The following VPS13C variants were observed in gnomAD, a reference collection of about 807,000 sequenced individuals.
VPS13C encodes the protein intermembrane lipid transfer protein VPS13C.
In VPS13C, 358 loss-of-function variants were observed where a neutral mutation model predicts 456.8. The observed-to-expected ratio is 0.78, with a 90% CI of 0.72 to 0.86. The LOEUF (loss-of-function observed/expected upper bound fraction) is 0.86, where lower values mean the gene tolerates loss of function less well. Among genes scored for constraint, VPS13C ranks in the 40% least tolerant of loss-of-function variants. VPS13C has a pLI of 0.00. For synonymous variants in VPS13C, 1,578 were observed against 1,486.7 expected (o/e 1.06, Z -1.41); for missense variants, 4,818 against 4,385.4 (o/e 1.10, Z -2.79).
chr15:61,992,477 T>A (rs973200812), intron 16 of VPS13C, among the ~76,000 whole-genome samples: 1 of 152,198 alleles, frequency 6.6e-6, no homozygotes, highest in Non-Finnish European at 1.5e-5. Context: ...CCACTTAAAG[T>A]ATTTGAAATT....
At chr15:62,046,167 G>A (rs965004509) in intron 1 of VPS13C, among the ~76,000 whole-genome samples, 1 of 152,120 alleles carries the variant, frequency 6.6e-6, no homozygotes, top group African/African-American at 2.4e-5. Flanking sequence ...ATAGTATATA[G>A]TAGGAGGGAA....
intron 66 of VPS13C, among the ~76,000 whole-genome samples, chr15:61,900,062 A>G (rs900650444): frequency 1.1e-4 from 16 of 152,190 alleles, no homozygotes; most frequent in African/African-American, 2.4e-4. Flanking sequence ...AAATTCAACA[A>G]CCCTTCATGC....
intron 81 of VPS13C, chr15:61,868,022 T>C: frequency 9.9e-7 from 1 of 1,005,428 alleles, no homozygotes; most frequent in East Asian, 2.5e-5. Flanking sequence ...TCATATACAA[T>C]AAAAACCAAA....
chr15:61,914,113 A>G (rs1596324545), intron 61 of VPS13C, among the ~76,000 whole-genome samples: 1 of 152,338 alleles, frequency 6.6e-6, no homozygotes, highest in South Asian at 2.1e-4. Flanking sequence ...GAGGACAACT[A>G]GAGGTCAGAC....
chr15:61,910,158 A>G lies in VPS13C; in HGVS notation c.8844+19T>C. 1 of 1,241,532 alleles carries G rather than the reference A, an allele frequency of 8.1e-7. No individual in the cohort carries two copies. Among genetic ancestry groups the G allele is most frequent in the Non-Finnish European group, 1.0e-6 (1 of 977,768 alleles). The allele number at this position is 1,241,532 out of a possible 1,614,324, so 76.9% of individuals were successfully genotyped here. A position where few individuals can be genotyped will look rare whatever the true frequency, so the allele number is the denominator to read the frequency against. On this transcript the variant is annotated intron_variant, in intron 64 of 84. Transcript: ENST00000644861. ...TTAAATAAATAAAAATAAAAATAAA[A>G]TAAAATATGAAAACTTACCAGATCT...
rs566575285 is a variant in VPS13C at position 62,014,665 on chromosome 15, T to C, written c.685-673A>G. ...TAGCCACTATAATAGCAGGAAATAA[T>C]TGAGCCAGACAATGTGCCAAAAGCT... On this transcript the variant is annotated intron_variant, in intron 9 of 84. Transcript: ENST00000644861. Among the ~76,000 whole-genome samples, 113 of 152,256 alleles carry C rather than the reference T, an allele frequency of 7.4e-4. 1 individual carries two copies. Among genetic ancestry groups the C allele is most frequent in the Admixed American group, 7.2e-3 (110 of 15,272 alleles).
At chr15:61,901,265 CTAG>C (rs2042986905) in intron 66 of VPS13C, among the ~76,000 whole-genome samples, 1 of 152,152 alleles carries the variant, frequency 6.6e-6, no homozygotes, top group Non-Finnish European at 1.5e-5. Flanking sequence ...CAAATGGGAT[CTAG>C]TTAAACTAAA....
intron 71 of VPS13C, 44 bp from the exon 72 acceptor site, chr15:61,880,998 T>G (rs1219846248): frequency 6.7e-7 from 1 of 1,482,668 alleles, no homozygotes; most frequent in Admixed American, 2.0e-5. Flanking sequence ...CTACCAAATC[T>G]TTTAATTTTC....
chr15:62,016,475 A>G (rs190072443), intron 9 of VPS13C, among the ~76,000 whole-genome samples: 5 of 136,976 alleles, frequency 3.7e-5, no homozygotes, highest in Admixed American at 2.5e-4. Context: ...CCTGTGTCCA[A>G]GTGTTCTCAT....
At chr15:61,969,050 C>G (rs1199770015) in intron 28 of VPS13C, among the ~76,000 whole-genome samples, 1 of 152,060 alleles carries the variant, frequency 6.6e-6, no homozygotes. Flanking sequence ...CAATTACTAG[C>G]CCTGTGACAA....
intron 27 of VPS13C, among the ~76,000 whole-genome samples, chr15:61,971,462 T>C (rs538607315): frequency 1.3e-5 from 2 of 152,284 alleles, no homozygotes; most frequent in African/African-American, 2.4e-5. Context: ...GGTTTCACCG[T>C]GTTGCCCAGG....
intron 15 of VPS13C, among the ~76,000 whole-genome samples, chr15:62,001,390 A>T (rs1361683500): frequency 6.6e-6 from 1 of 152,136 alleles, no homozygotes; most frequent in African/African-American, 2.4e-5. Flanking sequence ...AATTCAACTC[A>T]TTTTTCACAT....
intron 82 of VPS13C, among the ~76,000 whole-genome samples, chr15:61,857,948 A>C (rs1313329078): frequency 6.6e-6 from 1 of 152,144 alleles, no homozygotes; most frequent in Non-Finnish European, 1.5e-5. Context: ...GACAAAGTTC[A>C]ACATCCCTAG....
chr15:62,044,353 C>T, intron 1 of VPS13C, 98 bp from the exon 2 acceptor site: 1 of 688,854 alleles, frequency 1.5e-6, no homozygotes, highest in South Asian at 2.0e-5. Context: ...GGGCTAAGTG[C>T]TAAGAATACA....
chr15:61,877,915 TTTAATA>T (rs1316520623), intron 74 of VPS13C, among the ~76,000 whole-genome samples: 3 of 151,996 alleles, frequency 2.0e-5, no homozygotes, highest in Non-Finnish European at 2.9e-5. Context: ...CTTCTCAATG[TTTAATA>T]TTAAGATAAC....
chr15:61,909,235 A>C, intron 64 of VPS13C, 110 bp from the exon 65 acceptor site: 1 of 1,367,964 alleles, frequency 7.3e-7, no homozygotes, highest in East Asian at 2.4e-5. Flanking sequence ...TTCGAGACAG[A>C]GTCTTGCTGT....
chr15:61,894,935 C>T (rs1225786994), intron 66 of VPS13C, among the ~76,000 whole-genome samples: 2 of 152,168 alleles, frequency 1.3e-5, no homozygotes, highest in East Asian at 1.9e-4. Flanking sequence ...GCAGAATACA[C>T]GTTCTTCTCA....
chr15:61,870,864 G>A (rs1223765319), intron 79 of VPS13C, among the ~76,000 whole-genome samples: 2 of 152,100 alleles, frequency 1.3e-5, no homozygotes, highest in Non-Finnish European at 2.9e-5. Flanking sequence ...GTCGACTAAT[G>A]ATGTTTACCA....
chr15:61,883,756 T>C (rs1490314640), intron 68 of VPS13C, among the ~76,000 whole-genome samples: 1 of 152,072 alleles, frequency 6.6e-6, no homozygotes, highest in Non-Finnish European at 1.5e-5. Flanking sequence ...GCAATATATA[T>C]TGGTGTCATT....
Sources: gnomAD v4.1 joint callset for allele counts (sites outside exome capture counted in the v4.1 genomes callset) on GRCh38, gnomAD v4.1.1 for gene constraint, MANE v1.5 for transcripts, NCBI Gene and HGNC (gene_info 2026-07-23, HGNC 2026-07-21) for gene names.